Variants in MAST1 observed in about 807,000 individuals in gnomAD.
MAST1 encodes the protein microtubule-associated serine/threonine-protein kinase 1.
In MAST1, 40 loss-of-function variants were observed where a neutral mutation model predicts 124.6. That is an observed-to-expected ratio of 0.32 (90% CI 0.25 to 0.42). The LOEUF (loss-of-function observed/expected upper bound fraction) is 0.42, where lower values mean the gene tolerates loss of function less well. MAST1 is among the 10% of genes least tolerant of loss of function. The probability of loss-of-function intolerance (pLI) is 1.00; values close to 1 mark genes in which losing one functional copy is unlikely to be tolerated. For synonymous variants in MAST1, 938 were observed against 939.4 expected, an observed-to-expected ratio of 1.00 and a Z score of 0.03; for missense variants, 1,558 against 2,181.9, an observed-to-expected ratio of 0.71 and a Z score of 5.70.
intron 24 of MAST1, 143 bp downstream of exon 24, chr19:12,871,315 A>G: frequency 7.7e-7 from 1 of 1,301,694 alleles, no homozygotes; most frequent in African/African-American, 1.5e-5. Flanking sequence ...AGGACAATTA[A>G]GAGGGGCTGC....
chr19:12,868,929 C>A, intron 21 of MAST1, 80 bp downstream of exon 21: 1 of 1,545,376 alleles, frequency 6.5e-7, no homozygotes, highest in Non-Finnish European at 8.8e-7. Context: ...GCTGCATTTT[C>A]CCTGTCCACC....
intron 7 of MAST1, among the ~76,000 whole-genome samples, chr19:12,850,881 G>T (rs1969951113): frequency 6.6e-6 from 1 of 151,524 alleles, no homozygotes; most frequent in African/African-American, 2.4e-5. Flanking sequence ...TGATATTTTG[G>T]CTTATGATAG....
chr19:12,865,756 C>T lies in MAST1; in HGVS notation c.1844C>T (p.Thr615Met), dbSNP rs769003664. 12 of 1,613,690 alleles carry T rather than the reference C, an allele frequency of 7.4e-6. No homozygotes were observed. The Admixed American group carries it at 1.3e-4, about 18-fold the overall frequency. ...CCCGAGGGGGATGAGGCCCTACCTA[C>T]GGAGGCCCAACTCCTCATATCCAGC... ...LWPEGDEALPTEAQLLISSLL... is the reference protein window; with the variant it reads ...LWPEGDEALPMEAQLLISSLL... Residue 615 changes from threonine to methionine, a missense_variant, in exon 16 of 26, where the codon ACG becomes ATG. Physicochemically the swap from Thr to Met is moderately conservative, Grantham distance 81. This residue lies in a region of MAST1 where 145 missense variants were observed against 350.0 expected (regional missense o/e 0.41). Transcript: ENST00000251472. This position sits in a 1 kb window ranked among gnomAD's most constrained non-coding sequence, Gnocchi z 7.1.
At chr19:12,860,959 GAC>G (rs569921177) in intron 12 of MAST1, among the ~76,000 whole-genome samples, 4 of 152,108 alleles carry the variant, frequency 2.6e-5, no homozygotes, top group Admixed American at 2.6e-4. Flanking sequence ...AGGTGCCAGT[GAC>G]ACAGAGGAGA....
chr19:12,869,268 T>C lies in MAST1; in HGVS notation c.2976T>C (p.Asp992=). 1.2e-6 allele frequency: 2 copies of C among 1,613,978 alleles called. No individual in the cohort carries two copies. The highest frequency in any genetic ancestry group is 1.7e-6 in the Non-Finnish European group (2 of 1,179,940). ...RAIRVYMGDT[D]VYSVHHIVWH... ...TCCGTGTCTACATGGGTGACACGGA[T>C]GTCTATAGTGTCCACCACATTGTCT... The change falls in exon 22 of 26, where the codon GAT becomes GAC. Residue 992 remains aspartate (D), a synonymous_variant. Transcript: ENST00000251472.
rs1382652538 is a variant in MAST1, at chr19:12,841,546, G to T, written c.248+480G>T. On this transcript the variant is annotated intron_variant, in intron 3 of 25. Transcript: ENST00000251472. The surrounding 1 kb of genome is among the most constrained non-coding windows in gnomAD (Gnocchi z 4.3). ...TAGGGTTTCTGGGGTGTCCTTAAATGAATTTTCTATGGGCCTTTGGTGAAA... is the reference window on the plus strand; with the variant it reads ...TAGGGTTTCTGGGGTGTCCTTAAATTAATTTTCTATGGGCCTTTGGTGAAA... Among the ~76,000 whole-genome samples, 1 of 152,230 alleles carries T rather than the reference G, an allele frequency of 6.6e-6. No homozygotes were observed. The highest frequency in any genetic ancestry group is 1.9e-4 in the East Asian group (1 of 5,192).
At chr19:12,856,253 T>TC (rs1451021707) in intron 10 of MAST1, among the ~76,000 whole-genome samples, 1 of 151,846 alleles carries the variant, frequency 6.6e-6, no homozygotes, top group Non-Finnish European at 1.5e-5. Context: ...CTACCTTTTT[T>TC]CCCCATTGCC....
chr19:12,858,230 C>T, intron 10 of MAST1, 132 bp from the exon 11 acceptor site: 1 of 790,080 alleles, frequency 1.3e-6, no homozygotes, highest in South Asian at 1.7e-5. Context: ...TCCTAACTTT[C>T]TCTTTCATTA....
At chr19:12,842,783 T>A (rs1026983806) in intron 3 of MAST1, among the ~76,000 whole-genome samples, 2 of 152,118 alleles carry the variant, frequency 1.3e-5, no homozygotes, top group Non-Finnish European at 2.9e-5. Flanking sequence ...TCTGTGTGAA[T>A]GTGGAAGTGT....
Position 12,871,135 on chromosome 19 carries a change from A to C in MAST1, c.3226A>C (p.Arg1076=), listed in dbSNP as rs1257031866. 1 of 1,614,170 alleles carries C rather than the reference A, an allele frequency of 6.2e-7. No individual in the cohort carries two copies. Among genetic ancestry groups the C allele is most frequent in the African/African-American group, 1.3e-5 (1 of 75,048 alleles). ...RSSYKAKMAR[R]NKRPSAKEGQ... is the part of the protein sequence containing the mutation. ...CAGCTACAAGGCTAAAATGGCTCGG[A>C]GGAACAAGCGACCCTCCGCCAAGGA... Residue 1076 remains arginine (R), a synonymous_variant, in exon 24 of 26, where the codon AGG becomes CGG. Transcript: ENST00000251472.
intron 10 of MAST1, among the ~76,000 whole-genome samples, chr19:12,855,371 C>CA (rs1051006636): frequency 1.2e-4 from 18 of 152,190 alleles, no homozygotes; most frequent in Non-Finnish European, 2.1e-4. Context: ...CCTGTAGTCC[C>CA]AGCACTTTGG....
At chr19:12,862,130 G>A (rs991036081) in intron 12 of MAST1, among the ~76,000 whole-genome samples, 6 of 151,126 alleles carry the variant, frequency 4.0e-5, no homozygotes, top group African/African-American at 7.3e-5. Flanking sequence ...TCAGTCTCCC[G>A]AGTAGCTAGG....
At position 12,873,429 on chromosome 19, in the gene MAST1, T is replaced by C. The variant is rs780392497; in HGVS notation, c.3369T>C (p.Ser1123=). 6.2e-7 allele frequency: 1 copy of C among 1,613,112 alleles called. No homozygotes were observed. The stretch of plus-strand genomic sequence containing the variant: ...ACCGCTCGCTGTCATCCAGCGATAG[T>C]CTCCCGGGCTCGCCTACGCACGGGC... ...SLNRSLSSSD[S]LPGSPTHGLP... is the part of the protein sequence containing the mutation. Residue 1123 remains serine (S), a synonymous_variant, in exon 25 of 26, where the codon AGT becomes AGC. Coordinates refer to ENST00000251472, the MANE Select transcript of MAST1 (RefSeq NM_014975.3).
In MAST1 at chr19:12,874,135, C is replaced by A. The variant is rs1028328408; in HGVS notation, c.3978C>A (p.Val1326=). Residue 1326 remains valine (V), a synonymous_variant, in exon 26 of 26, where the codon GTC becomes GTA. Coordinates refer to ENST00000251472, the MANE Select transcript of MAST1 (RefSeq NM_014975.3). This position sits in a 1 kb window ranked among gnomAD's most constrained non-coding sequence, Gnocchi z 6.6. ...PVEGLGAPRQ[V]AVRRLGRQES... is the part of the protein sequence containing the mutation. Reference sequence around the variant, plus strand: ...AGGGCCTTGGCGCGCCCCGGCAGGTCGCCGTCCGCCGCCTGGGCCGACAGG... The same window carrying A: ...AGGGCCTTGGCGCGCCCCGGCAGGTAGCCGTCCGCCGCCTGGGCCGACAGG... The A allele has an allele frequency of 6.5e-7, 1 of 1,540,974 alleles. No individual in the cohort carries two copies. Among genetic ancestry groups the A allele is most frequent in the East Asian group, 2.4e-5 (1 of 41,048 alleles).
Position 12,847,527 on chromosome 19 carries a change from G to T in MAST1, c.488+77G>T, listed in dbSNP as rs1171114433. The T allele has an allele frequency of 2.5e-6, 4 of 1,610,378 alleles. No individual in the cohort carries two copies. In the East Asian group the frequency reaches 8.9e-5, roughly 36 times the overall value. On this transcript the variant is annotated intron_variant, in intron 5 of 25. Coordinates refer to ENST00000251472, the MANE Select transcript of MAST1 (RefSeq NM_014975.3). This position sits in a 1 kb window ranked among gnomAD's most constrained non-coding sequence, Gnocchi z 5.5. ...TGCTTAGAGAGACCCCTGTCCCCGC[G>T]AATAAAAGGGTTACATCTTGGGGCG...
At position 12,847,525 on chromosome 19, in the gene MAST1, G is replaced by T. The variant is rs558714244; in HGVS notation, c.488+75G>T. On this transcript the variant is annotated intron_variant, in intron 5 of 25. Transcript: ENST00000251472. The surrounding 1 kb of genome is among the most constrained non-coding windows in gnomAD (Gnocchi z 5.5). ...TGTGCTTAGAGAGACCCCTGTCCCC[G>T]CGAATAAAAGGGTTACATCTTGGGG... 6.2e-7 allele frequency: 1 copy of T among 1,610,396 alleles called. No homozygotes were observed. Among genetic ancestry groups the T allele is most frequent in the African/African-American group, 1.3e-5 (1 of 74,848 alleles).
In MAST1 at chr19:12,847,875, C is replaced by A; in HGVS notation, c.592C>A (p.Arg198Ser). 1.2e-6 allele frequency: 2 copies of A among 1,612,196 alleles called. No individual in the cohort carries two copies. The highest frequency in any genetic ancestry group is 1.7e-6 in the Non-Finnish European group (2 of 1,179,290). ...KATAQMEEKLRDFTRAYEPDS... is the reference protein window; with the variant it reads ...KATAQMEEKLSDFTRAYEPDS... ...CACTGCGCAGATGGAGGAGAAGCTG[C>A]GCGACTTTACCCGCGCCTACGAACC... is the stretch of plus-strand genomic sequence containing the variant. Residue 198 changes from arginine (R) to serine (S), a missense_variant, in exon 7 of 26, where the codon CGC becomes AGC. By Grantham distance (110) the Arg-to-Ser change is moderately radical. Coordinates refer to ENST00000251472, the MANE Select transcript of MAST1 (RefSeq NM_014975.3). This position sits in a 1 kb window ranked among gnomAD's most constrained non-coding sequence, Gnocchi z 5.5.
In MAST1 at chr19:12,874,431, G is replaced by A; in HGVS notation, c.4274G>A (p.Ser1425Asn). 1.0e-5 allele frequency: 16 copies of A among 1,598,066 alleles called. No individual in the cohort carries two copies. Among genetic ancestry groups the A allele is most frequent in the Non-Finnish European group, 1.4e-5 (16 of 1,178,794 alleles). The change falls in exon 26 of 26, where the codon AGC (serine) becomes AAC (asparagine). Residue 1425 changes from serine to asparagine, a missense_variant. Transcript: ENST00000251472. The surrounding 1 kb of genome is among the most constrained non-coding windows in gnomAD (Gnocchi z 6.6). ...VQEHETGRRS[S>N]SGEAGTPLVP... ...GAACACGAGACAGGCCGGCGCAGCAGCTCTGGCGAGGCGGGCACACCCCTG... is the reference window on the plus strand; with the variant it reads ...GAACACGAGACAGGCCGGCGCAGCAACTCTGGCGAGGCGGGCACACCCCTG...
chr19:12,847,525 G>A lies in MAST1; in HGVS notation c.488+75G>A, dbSNP rs558714244. 360 of 1,610,394 alleles carry A rather than the reference G, an allele frequency of 2.2e-4. 1 individual carries two copies. In the South Asian group the frequency reaches 3.4e-3, roughly 15 times the overall value. ...TGTGCTTAGAGAGACCCCTGTCCCC[G>A]CGAATAAAAGGGTTACATCTTGGGG... On this transcript the variant is annotated intron_variant, in intron 5 of 25. Coordinates refer to ENST00000251472, the MANE Select transcript of MAST1 (RefSeq NM_014975.3). This position sits in a 1 kb window ranked among gnomAD's most constrained non-coding sequence, Gnocchi z 5.5.
Sources: gnomAD v4.1 joint callset for allele counts (sites outside exome capture counted in the v4.1 genomes callset) on GRCh38, gnomAD v4.1.1 for gene constraint, gnomAD v4.1.1 regional missense constraint, Gnocchi (gnomAD v3.1) non-coding constraint, MANE v1.5 for transcripts, NCBI Gene and HGNC (gene_info 2026-07-23, HGNC 2026-07-21) for gene names.